Variants in NBEA observed in about 807,000 individuals in gnomAD.
NBEA encodes the protein neurobeachin.
A neutral mutation model predicts 343.4 loss-of-function variants in NBEA; 44 were observed. That is an observed-to-expected ratio of 0.13 (90% CI 0.10 to 0.16). The LOEUF is 0.16. NBEA is among the 10% of genes least tolerant of loss of function. The pLI is 1.00. For synonymous variants in NBEA, 1,175 were observed against 1,238.7 expected (o/e 0.95, Z 1.08); for missense variants, 2,555 against 3,631.3 (o/e 0.70, Z 7.62).
At chr13:35,233,892 G>C (rs183655558) in intron 34 of NBEA, among the ~76,000 whole-genome samples, 3 of 152,124 alleles carry the variant, frequency 2.0e-5, no homozygotes, top group Non-Finnish European at 4.4e-5. Flanking sequence ...AGTTTAAAGA[G>C]AGTGGTCAAT....
intron 17 of NBEA, among the ~76,000 whole-genome samples, chr13:35,133,594 G>A (rs776300817): frequency 6.6e-5 from 10 of 151,814 alleles, no homozygotes; most frequent in Non-Finnish European, 1.3e-4. Context: ...AATAAACTAA[G>A]GTATATTCAT....
Position 35,070,337 on chromosome 13 carries a change from C to A in NBEA, c.1437+232C>A, listed in dbSNP as rs557285979. 3.9e-5 allele frequency among the ~76,000 whole-genome samples: 6 copies of A among 151,992 alleles called. No homozygotes were observed. The South Asian group carries it at 1.2e-3, about 32-fold the overall frequency. On this transcript the variant is annotated intron_variant, in intron 9 of 58. Transcript: ENST00000379939. ...CTGTCATATCCATTATCTTATATAGCCTTTGAAATTAAATCAATTAACTGA... is the reference window on the plus strand; with the variant it reads ...CTGTCATATCCATTATCTTATATAGACTTTGAAATTAAATCAATTAACTGA...
chr13:35,364,915 C>T (rs2860128), intron 38 of NBEA, among the ~76,000 whole-genome samples: 44,180 of 151,532 alleles, frequency 0.29, 8,295 homozygotes, highest in African/African-American at 0.54. Context: ...GTTGAAAATA[C>T]ATTACGGAAT....
At chr13:34,968,863 T>C (rs573444567) in intron 1 of NBEA, among the ~76,000 whole-genome samples, 3 of 143,372 alleles carry the variant, frequency 2.1e-5, no homozygotes, top group African/African-American at 7.9e-5. Context: ...GATTAATGTG[T>C]TTTAATATCA....
chr13:35,075,134 C>T (rs1014563796), intron 10 of NBEA, among the ~76,000 whole-genome samples: 1 of 152,080 alleles, frequency 6.6e-6, no homozygotes, highest in Admixed American at 6.6e-5. Flanking sequence ...GGGTTCTAAT[C>T]CTGCAAGCCT....
At chr13:34,998,039 T>C (rs1441832426) in intron 1 of NBEA, among the ~76,000 whole-genome samples, 1 of 152,138 alleles carries the variant, frequency 6.6e-6, no homozygotes, top group African/African-American at 2.4e-5. Flanking sequence ...TCACATAGGT[T>C]CTTTTCTATT....
At chr13:35,164,132 A>G (rs2069800730) in intron 23 of NBEA, among the ~76,000 whole-genome samples, 1 of 152,160 alleles carries the variant, frequency 6.6e-6, no homozygotes, top group South Asian at 2.1e-4. Flanking sequence ...AAGCAAAGTA[A>G]TAATATAATG....
At chr13:35,434,228 TGATA>T (rs2045291065) in intron 39 of NBEA, among the ~76,000 whole-genome samples, 1 of 152,132 alleles carries the variant, frequency 6.6e-6, no homozygotes, top group Non-Finnish European at 1.5e-5. Flanking sequence ...TTTTTCAAAC[TGATA>T]GTCATATTTT....
intron 34 of NBEA, among the ~76,000 whole-genome samples, chr13:35,269,285 A>G (rs2033942708): frequency 6.6e-6 from 1 of 152,170 alleles, no homozygotes; most frequent in Non-Finnish European, 1.5e-5. Context: ...ACCTAGTCAT[A>G]ATAAAATCTC....
intron 1 of NBEA, among the ~76,000 whole-genome samples, chr13:34,959,722 A>G (rs1265895277): frequency 6.6e-6 from 1 of 152,082 alleles, no homozygotes; most frequent in African/African-American, 2.4e-5. Context: ...TCTACAATGG[A>G]CCACATATAC....
In NBEA at chr13:35,630,935, T is replaced by TC. The variant is rs1285961366; in HGVS notation, c.7617+2690dup. On this transcript the variant is annotated intron_variant, in intron 49 of 58. Transcript: ENST00000379939. The stretch of plus-strand genomic sequence containing the variant: ...AAGGAATGCTAGTTAATTTCCCCTT[T>TC]CCCACTTCCCACCATTCCCCCCTCT... 3.3e-5 allele frequency among the ~76,000 whole-genome samples: 5 copies of TC among 152,248 alleles called. No homozygotes were observed. The East Asian group carries it at 9.7e-4, about 29-fold the overall frequency.
At chr13:35,389,812 T>C (rs557196534) in intron 38 of NBEA, among the ~76,000 whole-genome samples, 1 of 152,204 alleles carries the variant, frequency 6.6e-6, no homozygotes, top group East Asian at 1.9e-4. Context: ...ACAGATAAAG[T>C]GGTCCTTTTA....
chr13:35,537,172 AT>A (rs1176739200), intron 41 of NBEA, among the ~76,000 whole-genome samples: 2 of 152,034 alleles, frequency 1.3e-5, no homozygotes, highest in Non-Finnish European at 2.9e-5. Context: ...AAAAACTGGA[AT>A]TTTTTTCAGC....
intron 1 of NBEA, among the ~76,000 whole-genome samples, chr13:35,025,382 A>G (rs557310713): frequency 1.3e-5 from 2 of 152,248 alleles, no homozygotes; most frequent in East Asian, 3.9e-4. Context: ...TCTTCTGTAT[A>G]TGTTTAGCCA....
chr13:35,575,980 A>AT (rs2080718148), intron 45 of NBEA, among the ~76,000 whole-genome samples: 1 of 152,150 alleles, frequency 6.6e-6, no homozygotes, highest in African/African-American at 2.4e-5. Flanking sequence ...TATTTATTAT[A>AT]TGCCAATGCT....
intron 39 of NBEA, among the ~76,000 whole-genome samples, chr13:35,450,229 C>A (rs568722167): frequency 6.6e-6 from 1 of 151,846 alleles, no homozygotes; most frequent in East Asian, 1.9e-4. Flanking sequence ...AATCCCAGCA[C>A]TTTGGAAGGC....
chr13:35,615,771 A>G (rs2082715251), intron 48 of NBEA, among the ~76,000 whole-genome samples: 1 of 152,138 alleles, frequency 6.6e-6, no homozygotes, highest in African/African-American at 2.4e-5. Context: ...AGGAGAAAGG[A>G]GAAGAGAAGG....
At chr13:35,210,466 A>G (rs1224387700) in intron 32 of NBEA, among the ~76,000 whole-genome samples, 1 of 152,174 alleles carries the variant, frequency 6.6e-6, no homozygotes, top group African/African-American at 2.4e-5. Context: ...GATGTCCCTC[A>G]ACTCCACAGC....
intron 34 of NBEA, among the ~76,000 whole-genome samples, chr13:35,281,977 G>C (rs538516373): frequency 6.6e-6 from 1 of 151,974 alleles, no homozygotes; most frequent in South Asian, 2.1e-4. Flanking sequence ...CAGTGGCCCA[G>C]TCTTGGCCCA....
Sources: allele counts gnomAD v4.1 joint callset (sites outside exome capture counted in the v4.1 genomes callset), GRCh38; gene constraint gnomAD v4.1.1; transcripts MANE v1.5; gene names NCBI Gene and HGNC (gene_info 2026-07-23, HGNC 2026-07-21).